The following RLN2 variants were observed in gnomAD, a reference collection of about 807,000 sequenced individuals.
RLN2 encodes the protein prorelaxin H2.
RLN2 carries 10 observed loss-of-function variants against 7.3 expected under a neutral mutation model. The ratio of observed to expected loss-of-function variants is 1.36; its 90% CI spans 0.84 to 2.31. The LOEUF is 2.31. Among genes scored for constraint, RLN2 ranks in the 30% most tolerant of loss-of-function variants. The probability of loss-of-function intolerance (pLI) is 0.00; values close to 1 mark genes in which losing one functional copy is unlikely to be tolerated. For synonymous variants in RLN2, 103 were observed against 82.3 expected (o/e 1.25, Z -1.36); for missense variants, 298 against 217.6 (o/e 1.37, Z -2.32).
intron 1 of RLN2, among the ~76,000 whole-genome samples, chr9:5,301,658 G>A (rs1816138901): frequency 6.6e-6 from 1 of 152,180 alleles, no homozygotes; most frequent in Non-Finnish European, 1.5e-5. Context: ...AAATCTAAGT[G>A]CGGGAGGCAG....
the RLN2 span, among the ~76,000 whole-genome samples, chr9:5,324,642 C>G: frequency 6.6e-6 from 1 of 151,968 alleles, no homozygotes; most frequent in Non-Finnish European, 1.5e-5. Flanking sequence ...TGAACATCAT[C>G]CAAATATTTC....
At chr9:5,320,178 G>A in the RLN2 span, among the ~76,000 whole-genome samples, 1 of 151,536 alleles carries the variant, frequency 6.6e-6, no homozygotes, top group African/African-American at 2.4e-5. Context: ...TAGAGATGGG[G>A]TTTCACCGTG....
upstream of RLN2, among the ~76,000 whole-genome samples, chr9:5,305,356 A>G (rs1340251071): frequency 7.8e-6 from 1 of 128,480 alleles, no homozygotes; most frequent in Admixed American, 8.6e-5. Flanking sequence ...ACTGGAGAAC[A>G]TACCACACAC....
At chr9:5,327,162 T>G in the RLN2 span, among the ~76,000 whole-genome samples, 3 of 152,046 alleles carry the variant, frequency 2.0e-5, no homozygotes, top group East Asian at 5.8e-4. Context: ...CATAACAGAC[T>G]GTAGCTGGAG....
chr9:5,335,596 TTC>T, the RLN2 span: 4 of 1,588,182 alleles, frequency 2.5e-6, no homozygotes, highest in South Asian at 4.5e-5. Flanking sequence ...ATGGTACAAT[TTC>T]TGTTAAGTTT....
At position 5,300,351 on chromosome 9, in the gene RLN2, A is replaced by C; in HGVS notation, c.305T>G (p.Leu102Arg). ...TGGTAATGCTGGCTGCATCTCAGAC[A>C]GGGTTAACTTCAGCTCCTGTGGCAA... ...ANLPQELKLT[L>R]SEMQPALPQL... is the part of the protein sequence containing the mutation. Residue 102 changes from leucine to arginine, a missense_variant, in exon 2 of 2, where the codon CTG (leucine) becomes CGG (arginine). Coordinates refer to ENST00000381627, the MANE Select transcript of RLN2 (RefSeq NM_134441.3). 1 of 1,614,026 alleles carries C rather than the reference A, an allele frequency of 6.2e-7. No homozygotes were observed. The highest frequency in any genetic ancestry group is 8.5e-7 in the Non-Finnish European group (1 of 1,179,900).
chr9:5,335,673 G>T, the RLN2 span: 4 of 862,864 alleles, frequency 4.6e-6, no homozygotes, highest in Admixed American at 5.3e-5. Flanking sequence ...GTGAATGTTT[G>T]CATACACAAA....
In RLN2 at chr9:5,304,365, C is replaced by T; in HGVS notation, c.211+5G>A. 4 of 1,582,954 alleles carry T rather than the reference C, an allele frequency of 2.5e-6. No individual in the cohort carries two copies. Among genetic ancestry groups the T allele is most frequent in the South Asian group, 1.1e-5 (1 of 89,256 alleles). ...GGAAGGCCGGGAGGGGGCGGGAGCTCTCACCTGCCACTGGTCTAGGTGTCT... is the reference window on the plus strand; with the variant it reads ...GGAAGGCCGGGAGGGGGCGGGAGCTTTCACCTGCCACTGGTCTAGGTGTCT... On this transcript the variant is annotated splice_donor_5th_base_variant and intron_variant, in intron 1 of 1. Transcript: ENST00000381627.
At chr9:5,317,606 A>G in the RLN2 span, among the ~76,000 whole-genome samples, 1 of 151,846 alleles carries the variant, frequency 6.6e-6, no homozygotes, top group Non-Finnish European at 1.5e-5. Context: ...ATCAGTCAAA[A>G]GATGGTATTA....
At chr9:5,320,191 G>A in the RLN2 span, among the ~76,000 whole-genome samples, 2 of 151,478 alleles carry the variant, frequency 1.3e-5, no homozygotes, top group African/African-American at 4.9e-5. Flanking sequence ...TCACCGTGTG[G>A]GCCAGGCTGG....
At chr9:5,318,521 C>A in the RLN2 span, among the ~76,000 whole-genome samples, 3 of 151,786 alleles carry the variant, frequency 2.0e-5, no homozygotes, top group African/African-American at 7.3e-5. Context: ...GTTACTATAC[C>A]TTTCAAAGAA....
chr9:5,335,684 GA>G, the RLN2 span: 2 of 777,292 alleles, frequency 2.6e-6, no homozygotes, highest in South Asian at 1.8e-5. Context: ...CATACACAAA[GA>G]AAAGAAAGCA....
chr9:5,334,774 TA>T, the RLN2 span, among the ~76,000 whole-genome samples: 2 of 152,046 alleles, frequency 1.3e-5, no homozygotes, highest in African/African-American at 4.8e-5. Context: ...TCAACTAAAT[TA>T]AATTGGTTTA....
At chr9:5,311,771 T>A in the RLN2 span, 1 of 786,632 alleles carries the variant, frequency 1.3e-6, no homozygotes, top group Non-Finnish European at 2.1e-6. Context: ...GTTTGAAATA[T>A]GATTTTTTTA....
the RLN2 span, among the ~76,000 whole-genome samples, chr9:5,329,944 C>T: frequency 1.3e-5 from 2 of 151,942 alleles, no homozygotes; most frequent in Non-Finnish European, 2.9e-5. Flanking sequence ...CACCCCAAAT[C>T]AACAGAATAT....
At chr9:5,317,994 A>ATGTGTGTGTCTGCGTGTG in the RLN2 span, among the ~76,000 whole-genome samples, 1 of 64,744 alleles carries the variant, frequency 1.5e-5, no homozygotes, top group African/African-American at 8.1e-5. Flanking sequence ...TAACAAAACT[A>ATGTGTGTGTCTGCGTGTG]TGTGTGTGTG....
At chr9:5,319,324 T>C in the RLN2 span, among the ~76,000 whole-genome samples, 1 of 151,932 alleles carries the variant, frequency 6.6e-6, no homozygotes, top group Non-Finnish European at 1.5e-5. Flanking sequence ...CAGACATATT[T>C]ACCACTTTCT....
the RLN2 span, among the ~76,000 whole-genome samples, chr9:5,335,968 T>C: frequency 6.6e-6 from 1 of 152,104 alleles, no homozygotes; most frequent in Non-Finnish European, 1.5e-5. Flanking sequence ...GGATTCTTCT[T>C]ACTTAACTCG....
At chr9:5,320,055 G>C in the RLN2 span, among the ~76,000 whole-genome samples, 1 of 150,192 alleles carries the variant, frequency 6.7e-6, no homozygotes, top group African/African-American at 2.5e-5. Context: ...GCACAATCTC[G>C]GTTCACTGCA....
Sources: gnomAD v4.1 joint callset for allele counts (sites outside exome capture counted in the v4.1 genomes callset) on GRCh38, gnomAD v4.1.1 for gene constraint, MANE v1.5 for transcripts, NCBI Gene and HGNC (gene_info 2026-07-23, HGNC 2026-07-21) for gene names.